The following PEX7 variants were observed in gnomAD, a reference collection of about 807,000 sequenced individuals.
PEX7 encodes PTS2 receptor.
A neutral mutation model predicts 47.5 loss-of-function variants in PEX7; 34 were observed. The observed-to-expected ratio is 0.72, with a 90% CI of 0.54 to 0.95. PEX7 has a LOEUF of 0.95. Among genes scored for constraint, PEX7 ranks in the 40% least tolerant of loss-of-function variants. PEX7 has a pLI of 0.00. For synonymous variants in PEX7, 141 were observed against 148.8 expected (o/e 0.95, Z 0.38); for missense variants, 394 against 400.3 (o/e 0.98, Z 0.13).
intron 5 of PEX7, among the ~76,000 whole-genome samples, chr6:136,863,075 G>A (rs1196997760): frequency 5.9e-5 from 9 of 152,194 alleles, no homozygotes; most frequent in South Asian, 2.1e-4. Flanking sequence ...AATGAGGGCC[G>A]TTGGAGTTAT....
chr6:136,879,685 A>G (rs74520746), intron 8 of PEX7, among the ~76,000 whole-genome samples: 2 of 152,114 alleles, frequency 1.3e-5, no homozygotes, highest in Admixed American at 6.5e-5. Flanking sequence ...TTGAATTACA[A>G]TTTTAAATAA....
At chr6:136,903,336 C>CTTTTTTTTTTTTTTT (rs552573661) in intron 9 of PEX7, among the ~76,000 whole-genome samples, 1 of 126,318 alleles carries the variant, frequency 7.9e-6, no homozygotes, top group Admixed American at 8.5e-5. Context: ...CTTTCTTTCT[C>CTTTTTTTTTTTTTTT]TTTTTTTTTT....
intron 3 of PEX7, among the ~76,000 whole-genome samples, chr6:136,826,826 C>G (rs576763672): frequency 1.3e-5 from 2 of 152,072 alleles, no homozygotes; most frequent in African/African-American, 2.4e-5. Context: ...ACATAGACAT[C>G]ACAAGATTGC....
Position 136,845,953 on chromosome 6 carries a change from T to G in PEX7, c.418-120T>G, listed in dbSNP as rs1774590529. On this transcript the variant is annotated intron_variant, in intron 4 of 9. Transcript: ENST00000318471. ...AACAGATCTTTAAAAATCCTTGAGA[T>G]CTGTATATATATTGTATGCATATAT... 7 of 709,576 alleles carry G rather than the reference T, an allele frequency of 9.9e-6. No homozygotes were observed. The East Asian group carries it at 1.9e-4, about 19-fold the overall frequency. The allele number at this position is 709,576 out of a possible 1,614,324, so 44.0% of individuals were successfully genotyped here. A position where few individuals can be genotyped will look rare whatever the true frequency, so the allele number is the denominator to read the frequency against.
intron 8 of PEX7, among the ~76,000 whole-genome samples, chr6:136,889,990 A>T (rs1205816285): frequency 1.3e-5 from 2 of 152,232 alleles, no homozygotes; most frequent in African/African-American, 4.8e-5. Context: ...AAGCCTATTT[A>T]CTTAGACCAA....
chr6:136,884,279 A>G (rs1775429248), intron 8 of PEX7, among the ~76,000 whole-genome samples: 1 of 152,220 alleles, frequency 6.6e-6, no homozygotes, highest in Non-Finnish European at 1.5e-5. Flanking sequence ...TCCATGTGAT[A>G]TGAGTTAAAT....
intron 5 of PEX7, among the ~76,000 whole-genome samples, chr6:136,864,940 A>G (rs1015072323): frequency 1.3e-5 from 2 of 152,172 alleles, no homozygotes; most frequent in Non-Finnish European, 2.9e-5. Flanking sequence ...CATGCTTTTC[A>G]TTACATGGAA....
chr6:136,896,872 T>C (rs1775661780), intron 8 of PEX7, among the ~76,000 whole-genome samples: 1 of 152,216 alleles, frequency 6.6e-6, no homozygotes, highest in Admixed American at 6.5e-5. Context: ...CTCAACATTA[T>C]CGGGACCCAG....
chr6:136,869,033 A>G (rs1249339387), intron 6 of PEX7, among the ~76,000 whole-genome samples: 1 of 152,190 alleles, frequency 6.6e-6, no homozygotes, highest in Non-Finnish European at 1.5e-5. Context: ...ATGTGCCTAA[A>G]TGAACAGACC....
chr6:136,831,453 A>T (rs946078116), intron 3 of PEX7, among the ~76,000 whole-genome samples: 1 of 152,192 alleles, frequency 6.6e-6, no homozygotes, highest in Admixed American at 6.5e-5. Context: ...AAGCCAAACC[A>T]TATCATTCCA....
intron 5 of PEX7, among the ~76,000 whole-genome samples, chr6:136,848,789 A>G (rs1433537243): frequency 6.6e-6 from 1 of 152,244 alleles, no homozygotes; most frequent in Non-Finnish European, 1.5e-5. Context: ...GATGTTCATC[A>G]GGGATATTGG....
chr6:136,897,690 T>A (rs1463408240), intron 8 of PEX7, among the ~76,000 whole-genome samples: 1 of 152,188 alleles, frequency 6.6e-6, no homozygotes, highest in Non-Finnish European at 1.5e-5. Flanking sequence ...AAGCCTAAGA[T>A]CTTTCATGTC....
chr6:136,908,082 T>C (rs1775873321), intron 9 of PEX7, among the ~76,000 whole-genome samples: 1 of 152,220 alleles, frequency 6.6e-6, no homozygotes, highest in African/African-American at 2.4e-5. Flanking sequence ...TGGCATTCCA[T>C]GTATGAAGAT....
chr6:136,850,917 GTTTTTTT>G (rs35220728), intron 5 of PEX7, among the ~76,000 whole-genome samples: 1 of 69,184 alleles, frequency 1.4e-5, no homozygotes, highest in East Asian at 5.4e-4. Context: ...AAAACTGATG[GTTTTTTT>G]TTTTTTTTTT....
Position 136,822,802 on chromosome 6 carries a change from CG to C in PEX7, c.130+9del. ...CAGCACTACGGCATCGCGGGTGAGGCGGCGCCGCGCAGCTGGGGCCGGGGGG... is the reference window on the plus strand; with the variant it reads ...CAGCACTACGGCATCGCGGGTGAGGCGCGCCGCGCAGCTGGGGCCGGGGGG... On this transcript the variant is annotated splice_region_variant and intron_variant, in intron 1 of 9. Transcript: ENST00000318471. The C allele has an allele frequency of 3.1e-6, 4 of 1,289,740 alleles. No individual in the cohort carries two copies. The highest frequency in any genetic ancestry group is 3.9e-6 in the Non-Finnish European group (4 of 1,024,484). The allele number at this position is 1,289,740 out of a possible 1,614,324, so 79.9% of individuals were successfully genotyped here.
At chr6:136,881,040 A>G (rs570146322) in intron 8 of PEX7, among the ~76,000 whole-genome samples, 1 of 152,324 alleles carries the variant, frequency 6.6e-6, no homozygotes, top group African/African-American at 2.4e-5. Flanking sequence ...GGAACTGTGG[A>G]GCTAGATCAC....
At chr6:136,845,966 T>A (rs920823171) in intron 4 of PEX7, 107 bp from the exon 5 acceptor site, 3 of 731,826 alleles carry the variant, frequency 4.1e-6, no homozygotes, top group Non-Finnish European at 7.4e-6. Context: ...GTATATATAT[T>A]GTATGCATAT....
At chr6:136,838,270 A>T (rs949748773) in intron 3 of PEX7, among the ~76,000 whole-genome samples, 4 of 152,242 alleles carry the variant, frequency 2.6e-5, no homozygotes, top group African/African-American at 9.6e-5. Flanking sequence ...ACTGAATCTG[A>T]TTAAGCCTCC....
intron 8 of PEX7, among the ~76,000 whole-genome samples, chr6:136,881,184 T>C (rs1775370765): frequency 6.6e-6 from 1 of 152,128 alleles, no homozygotes; most frequent in African/African-American, 2.4e-5. Context: ...AGGAGGGAGT[T>C]CATGTTGGAA....
Sources: gnomAD v4.1 joint callset for allele counts (sites outside exome capture counted in the v4.1 genomes callset) on GRCh38, gnomAD v4.1.1 for gene constraint, MANE v1.5 for transcripts, NCBI Gene and HGNC (gene_info 2026-07-23, HGNC 2026-07-21) for gene names.